ZBTB11: variants seen among roughly 807,000 people sequenced by gnomAD.
ZBTB11 encodes the protein zinc finger and BTB domain-containing protein 11.
Under a neutral mutation model 113.1 loss-of-function variants are expected in ZBTB11, and 68 were observed. That is an observed-to-expected ratio of 0.60 (90% CI 0.49 to 0.74). The LOEUF is 0.74. Ranked by LOEUF, ZBTB11 falls within the 30% of genes least tolerant of loss-of-function variation. The pLI, the probability that ZBTB11 is intolerant of heterozygous loss-of-function variation, is 0.00. For missense variants in ZBTB11, 1,104 were observed against 1,279.4 expected (o/e 0.86, Z 2.09); for synonymous variants, 518 against 452.6 (o/e 1.14, Z -1.83).
In ZBTB11 at chr3:101,651,024, A is replaced by G; in HGVS notation, c.*142T>C. 1.1e-6 allele frequency: 1 copy of G among 943,930 alleles called. No individual in the cohort carries two copies. The highest frequency in any genetic ancestry group is 1.5e-6 in the Non-Finnish European group (1 of 656,252). 58.5% of individuals were successfully genotyped at this position (943,930 alleles called of 1,614,324 possible). On this transcript the variant is annotated 3_prime_UTR_variant, in exon 11 of 11. Coordinates refer to ENST00000312938, the MANE Select transcript of ZBTB11 (RefSeq NM_014415.4). ...CTATAGAACCCATTGGCCAGACAAA[A>G]TGTTTGGAAACGTTACGTTACCAAA...
chr3:101,669,971 G>T (rs1224419690), intron 3 of ZBTB11, among the ~76,000 whole-genome samples: 1 of 152,054 alleles, frequency 6.6e-6, no homozygotes, highest in Non-Finnish European at 1.5e-5. Context: ...TGGGATTACA[G>T]GCATGCGCCA....
Position 101,650,618 on chromosome 3 carries a change from A to C in ZBTB11, c.*548T>G, listed in dbSNP as rs2108313521. ...GCATCCCTGACTTAAAAGGGGATAA[A>C]ATAAATAGTAAGTCAAGAATCACAG... On this transcript the variant is annotated 3_prime_UTR_variant, in exon 11 of 11. Transcript: ENST00000312938. The C allele has an allele frequency of 6.5e-6, 1 of 152,738 alleles. No homozygotes were observed. Among genetic ancestry groups the C allele is most frequent in the South Asian group, 2.1e-4 (1 of 4,824 alleles). 9.5% of individuals were successfully genotyped at this position (152,738 alleles called of 1,614,324 possible).
At chr3:101,671,613 T>C (rs1937086861) in intron 2 of ZBTB11, 1 of 580,692 alleles carries the variant, frequency 1.7e-6, no homozygotes, top group East Asian at 2.8e-5. Flanking sequence ...AGAAATATGA[T>C]GATGTATGAA....
intron 6 of ZBTB11, among the ~76,000 whole-genome samples, chr3:101,656,693 A>G (rs957885702): frequency 2.0e-5 from 3 of 152,210 alleles, no homozygotes; most frequent in African/African-American, 7.2e-5. Context: ...GTTAAACACA[A>G]AAATTTTTGT....
chr3:101,658,130 A>G, intron 6 of ZBTB11, among the ~76,000 whole-genome samples: 1 of 152,218 alleles, frequency 6.6e-6, no homozygotes, highest in Non-Finnish European at 1.5e-5. Context: ...TGGTATAAAT[A>G]TACCATGGAA....
At chr3:101,656,298 T>C in intron 6 of ZBTB11, 50 bp from the exon 7 acceptor site, 1 of 1,224,564 alleles carries the variant, frequency 8.2e-7, no homozygotes. Flanking sequence ...AGGGAGATTG[T>C]TTCTGAACAA....
At chr3:101,662,871 T>C (rs1936915771) in intron 5 of ZBTB11, among the ~76,000 whole-genome samples, 1 of 152,050 alleles carries the variant, frequency 6.6e-6, no homozygotes, top group Non-Finnish European at 1.5e-5. Flanking sequence ...AAGCCATCTT[T>C]CTGCCTTAGC....
chr3:101,659,626 G>C (rs1338310074), intron 6 of ZBTB11, among the ~76,000 whole-genome samples, 157 bp downstream of exon 6: 2 of 152,136 alleles, frequency 1.3e-5, no homozygotes, highest in African/African-American at 4.8e-5. Flanking sequence ...AAACACCATA[G>C]GGAATCACCT....
chr3:101,672,789 T>C (rs1937103492), intron 1 of ZBTB11, among the ~76,000 whole-genome samples: 1 of 152,244 alleles, frequency 6.6e-6, no homozygotes, highest in Non-Finnish European at 1.5e-5. Context: ...GACATTAGGC[T>C]TGACCGTGTG....
Position 101,651,558 on chromosome 3 carries a change from T to C in ZBTB11, c.2770A>G (p.Ile924Val), listed in dbSNP as rs1386576005. 1.9e-6 allele frequency: 3 copies of C among 1,614,224 alleles called. No homozygotes were observed. The highest frequency in any genetic ancestry group is 1.7e-6 in the Non-Finnish European group (2 of 1,180,046). Residue 924 changes from isoleucine to valine, a missense_variant, in exon 11 of 11, where the codon ATA becomes GTA. By Grantham distance (29) the Ile-to-Val change is conservative. Coordinates refer to ENST00000312938, the MANE Select transcript of ZBTB11 (RefSeq NM_014415.4). Reference sequence around the variant, plus strand: ...TGTTTACGGAGTGTTCGAGCATCTATGTAGGCTTCGCTACATACAGGACAG... The same window carrying C: ...TGTTTACGGAGTGTTCGAGCATCTACGTAGGCTTCGCTACATACAGGACAG... ...YVCPVCSEAY[I>V]DARTLRKHMT...
In ZBTB11 at chr3:101,651,282, T is replaced by A. The variant is rs1460478750; in HGVS notation, c.3046A>T (p.Ile1016Phe). ...AATACATAATTAACCACTTGCATAA[T>A]ACTTTGGTCAGAAAGTGTAGATACC... The part of the protein sequence containing the change: ...PSVSTLSDQS[I>F]MQVVNYVLAQ... The change falls in exon 11 of 11, where the codon ATT (isoleucine) becomes TTT (phenylalanine). Residue 1016 changes from isoleucine to phenylalanine, a missense_variant. This residue lies in a region of ZBTB11 where 90 missense variants were observed against 98.0 expected (regional missense o/e 0.92). Coordinates refer to ENST00000312938, the MANE Select transcript of ZBTB11 (RefSeq NM_014415.4). 6.2e-7 allele frequency: 1 copy of A among 1,614,260 alleles called. No individual in the cohort carries two copies. Among genetic ancestry groups the A allele is most frequent in the Admixed American group, 1.7e-5 (1 of 60,028 alleles).
intron 4 of ZBTB11, 22 bp from the exon 5 acceptor site, chr3:101,664,736 A>C: frequency 6.4e-7 from 1 of 1,550,708 alleles, no homozygotes; most frequent in Non-Finnish European, 8.7e-7. Flanking sequence ...TAGAAATCAC[A>C]ATCTAAGTAA....
At chr3:101,671,040 G>T in intron 3 of ZBTB11, 90 bp downstream of exon 3, 1 of 1,062,696 alleles carries the variant, frequency 9.4e-7, no homozygotes, top group Non-Finnish European at 1.4e-6. Context: ...CTCTTACTTT[G>T]GCATAAAGTC....
chr3:101,651,820 T>C, intron 10 of ZBTB11, 137 bp from the exon 11 acceptor site: 1 of 949,074 alleles, frequency 1.1e-6, no homozygotes, highest in Non-Finnish European at 1.5e-6. Flanking sequence ...AATCTTTTAT[T>C]TAGGACTTTC....
intron 3 of ZBTB11, among the ~76,000 whole-genome samples, chr3:101,666,564 T>G (rs768725545): frequency 7.2e-5 from 11 of 152,090 alleles, no homozygotes; most frequent in Non-Finnish European, 1.5e-4. Context: ...GAAAACAAGG[T>G]CAGTTTCTTT....
Position 101,676,996 on chromosome 3 carries a change from G to A in ZBTB11, c.-82C>T. 7.0e-7 allele frequency: 1 copy of A among 1,435,266 alleles called. No individual in the cohort carries two copies. The highest frequency in any genetic ancestry group is 9.3e-7 in the Non-Finnish European group (1 of 1,080,116). The allele number at this position is 1,435,266 out of a possible 1,614,324, so 88.9% of individuals were successfully genotyped here. ...CTACCTACGGGCGGCTGCAGGAGGA[G>A]CGGCGGCACCGTAGGGAGAAACGGC... On this transcript the variant is annotated 5_prime_UTR_variant, in exon 1 of 11. Transcript: ENST00000312938.
At chr3:101,670,010 TAG>T (rs1157857869) in intron 3 of ZBTB11, among the ~76,000 whole-genome samples, 1 of 152,084 alleles carries the variant, frequency 6.6e-6, no homozygotes, top group Non-Finnish European at 1.5e-5. Flanking sequence ...GCATTTTTAG[TAG>T]AGACAGGGTT....
intron 1 of ZBTB11, 76 bp from the exon 2 acceptor site, chr3:101,672,289 TTA>T: frequency 9.9e-7 from 1 of 1,012,766 alleles, no homozygotes; most frequent in Non-Finnish European, 1.5e-6. Flanking sequence ...TCTGTGCACA[TTA>T]ACACATTTCA....
chr3:101,661,852 T>A (rs1020393726), intron 5 of ZBTB11, among the ~76,000 whole-genome samples: 2 of 152,156 alleles, frequency 1.3e-5, no homozygotes, highest in Admixed American at 1.3e-4. Context: ...ATAATATTTG[T>A]ATACTGAGTA....
Sources: allele counts gnomAD v4.1 joint callset (sites outside exome capture counted in the v4.1 genomes callset), GRCh38; gene constraint gnomAD v4.1.1; regional missense constraint gnomAD v4.1.1; transcripts MANE v1.5; gene names NCBI Gene and HGNC (gene_info 2026-07-23, HGNC 2026-07-21).